Variants in LHPP observed in about 807,000 individuals in gnomAD.
The protein encoded by LHPP is hLHPP.
LHPP carries 24 observed loss-of-function variants against 30.3 expected under a neutral mutation model. The observed-to-expected ratio is 0.79, with a 90% CI of 0.57 to 1.11. The LOEUF (loss-of-function observed/expected upper bound fraction) is 1.11, where lower values mean the gene tolerates loss of function less well. LHPP is among the 50% of genes most tolerant of loss of function. LHPP has a pLI of 0.00. For synonymous variants in LHPP, 150 were observed against 157.1 expected (o/e 0.95, Z 0.34); for missense variants, 356 against 367.2 (o/e 0.97, Z 0.25).
chr10:124,602,415 AG>A (rs1949035788), intron 6 of LHPP, among the ~76,000 whole-genome samples: 1 of 152,240 alleles, frequency 6.6e-6, no homozygotes, highest in Admixed American at 6.5e-5. Context: ...TCTGCTAGCT[AG>A]AGGAGCCTCA....
chr10:124,576,484 C>CCCGCT lies in LHPP; in HGVS notation c.717-36778_717-36777insGCTCC, dbSNP rs780615985. On this transcript the variant is annotated intron_variant, in intron 6 of 6. Transcript: ENST00000368842. This position sits in a 1 kb window ranked among gnomAD's most constrained non-coding sequence, Gnocchi z 4.2. Reference sequence around the variant, plus strand: ...GCCTCCAGAACCCCTATATCTTGCTCCCACTCCCTACCATATGCTGTTCCC... The same window carrying CCCGCT: ...GCCTCCAGAACCCCTATATCTTGCTCCCGCTCCACTCCCTACCATATGCTGTTCCC... Among the ~76,000 whole-genome samples the CCCGCT allele has an allele frequency of 1.0e-5, 1 of 98,308 alleles. No individual in the cohort carries two copies. The highest frequency in any genetic ancestry group is 4.6e-5 in the African/African-American group (1 of 21,970). 64.5% of individuals were successfully genotyped at this position (98,308 alleles called of 152,430 possible). A position where few individuals can be genotyped will look rare whatever the true frequency, so the allele number is the denominator to read the frequency against.
chr10:124,544,602 C>A (rs997302626), intron 6 of LHPP, among the ~76,000 whole-genome samples: 6 of 152,342 alleles, frequency 3.9e-5, no homozygotes, highest in Middle Eastern at 3.4e-3. Flanking sequence ...CTGCAGGAGG[C>A]CTGGCACCTG....
intron 6 of LHPP, among the ~76,000 whole-genome samples, chr10:124,533,041 G>A (rs1954936701): frequency 6.6e-6 from 1 of 152,162 alleles, no homozygotes. Flanking sequence ...TACTTCCCAG[G>A]TATCCTCAGC....
intron 1 of LHPP, among the ~76,000 whole-genome samples, chr10:124,475,611 G>C (rs61861929): frequency 6.6e-6 from 1 of 152,136 alleles, no homozygotes; most frequent in Non-Finnish European, 1.5e-5. Flanking sequence ...TACTGTTGGT[G>C]CCTCATTTTA....
At chr10:124,552,608 GC>G (rs1173244574) in intron 6 of LHPP, among the ~76,000 whole-genome samples, 1 of 152,128 alleles carries the variant, frequency 6.6e-6, no homozygotes, top group Non-Finnish European at 1.5e-5. Context: ...TCCAGCCACT[GC>G]CCCCCAGGCT....
At chr10:124,542,261 G>A (rs1955214042) in intron 6 of LHPP, among the ~76,000 whole-genome samples, 1 of 152,150 alleles carries the variant, frequency 6.6e-6, no homozygotes, top group African/African-American at 2.4e-5. Context: ...CCAGGCTGTG[G>A]GACTCAGCCA....
chr10:124,601,141 A>C (rs1168181524), intron 6 of LHPP, among the ~76,000 whole-genome samples: 1 of 151,952 alleles, frequency 6.6e-6, no homozygotes, highest in Non-Finnish European at 1.5e-5. Context: ...ATTCAGAGAC[A>C]CCCCCAGGGG....
At chr10:124,579,813 T>C (rs1337182603) in intron 6 of LHPP, among the ~76,000 whole-genome samples, 1 of 152,188 alleles carries the variant, frequency 6.6e-6, no homozygotes, top group Non-Finnish European at 1.5e-5. Context: ...GGAGCAAACA[T>C]GTATGTTCTG....
chr10:124,584,098 T>C (rs537092134), intron 6 of LHPP, among the ~76,000 whole-genome samples: 21 of 152,228 alleles, frequency 1.4e-4, no homozygotes, highest in Non-Finnish European at 2.5e-4. Context: ...GTAGCCCAAT[T>C]TGGGGAGTGT....
At chr10:124,611,600 GC>G (rs1403894711) in intron 6 of LHPP, among the ~76,000 whole-genome samples, 1 of 151,874 alleles carries the variant, frequency 6.6e-6, no homozygotes, top group Non-Finnish European at 1.5e-5. Flanking sequence ...AGCCCACACT[GC>G]CCTCCCCTCC....
At chr10:124,480,300 C>T (rs2361616) in intron 1 of LHPP, among the ~76,000 whole-genome samples, 3 of 151,974 alleles carry the variant, frequency 2.0e-5, no homozygotes, top group African/African-American at 4.8e-5. Context: ...GGATAGATTT[C>T]GTCTCTAAAA....
At chr10:124,547,229 A>C (rs1421053600) in intron 6 of LHPP, among the ~76,000 whole-genome samples, 1 of 152,134 alleles carries the variant, frequency 6.6e-6, no homozygotes, top group East Asian at 1.9e-4. Flanking sequence ...CTCGGTGTGG[A>C]GTTCCAGTTC....
At chr10:124,470,231 G>C (rs1952687232) in intron 1 of LHPP, among the ~76,000 whole-genome samples, 1 of 152,224 alleles carries the variant, frequency 6.6e-6, no homozygotes, top group African/African-American at 2.4e-5. Context: ...ATCTGCATGT[G>C]AAAGGGGGTG....
Position 124,489,811 on chromosome 10 carries a change from C to T in LHPP, c.467+1236C>T, listed in dbSNP as rs574732106. 1.5e-5 allele frequency: 3 copies of T among 201,804 alleles called. No individual in the cohort carries two copies. The South Asian group carries it at 2.2e-4, about 15-fold the overall frequency. 12.5% of individuals were successfully genotyped at this position (201,804 alleles called of 1,614,324 possible). A position where few individuals can be genotyped will look rare whatever the true frequency, so the allele number is the denominator to read the frequency against. Reference sequence around the variant, plus strand: ...TATAAGTTTATTCAATGCAAAATAACCCTCACCAGTTTTACTGAGGTGGCT... The same window carrying T: ...TATAAGTTTATTCAATGCAAAATAATCCTCACCAGTTTTACTGAGGTGGCT... On this transcript the variant is annotated intron_variant, in intron 3 of 6. Coordinates refer to ENST00000368842, the MANE Select transcript of LHPP (RefSeq NM_022126.4).
intron 5 of LHPP, among the ~76,000 whole-genome samples, chr10:124,512,045 C>T (rs1345379100): frequency 3.9e-5 from 6 of 152,196 alleles, no homozygotes; most frequent in Non-Finnish European, 7.3e-5. Context: ...GCCTCACAGC[C>T]TCCTGTGTGT....
chr10:124,501,050 A>G (rs1953883053), intron 5 of LHPP, among the ~76,000 whole-genome samples: 1 of 152,052 alleles, frequency 6.6e-6, no homozygotes, highest in South Asian at 2.1e-4. Context: ...ATGTCCATAC[A>G]GTGGAATATT....
intron 6 of LHPP, among the ~76,000 whole-genome samples, chr10:124,527,807 G>A (rs1954783275): frequency 6.6e-6 from 1 of 151,964 alleles, no homozygotes; most frequent in African/African-American, 2.4e-5. Context: ...TTGAGATGCG[G>A]TCTTGTTCTG....
At chr10:124,494,111 C>A (rs2154394) in intron 3 of LHPP, among the ~76,000 whole-genome samples, 25,594 of 152,150 alleles carry the variant, frequency 0.17, 2,893 homozygotes, top group African/African-American at 0.32. Context: ...TGTGTATTTT[C>A]AGTTGCACGT....
At chr10:124,504,544 A>T (rs1954007182) in intron 5 of LHPP, among the ~76,000 whole-genome samples, 2 of 149,510 alleles carry the variant, frequency 1.3e-5, no homozygotes, top group South Asian at 4.3e-4. Flanking sequence ...AGGTTGCAGC[A>T]AGCTGAGATT....
Sources: allele counts gnomAD v4.1 joint callset (sites outside exome capture counted in the v4.1 genomes callset), GRCh38; gene constraint gnomAD v4.1.1; non-coding constraint Gnocchi (gnomAD v3.1); transcripts MANE v1.5; gene names NCBI Gene and HGNC (gene_info 2026-07-23, HGNC 2026-07-21).